The following NRG3 variants were observed in gnomAD, a reference collection of about 807,000 sequenced individuals.
The protein encoded by NRG3 is neuregulin 3.
NRG3 carries 31 observed loss-of-function variants against 66.9 expected under a neutral mutation model. The observed-to-expected ratio is 0.46, with a 90% CI of 0.35 to 0.63. The LOEUF (loss-of-function observed/expected upper bound fraction) is 0.63. NRG3 is among the 20% of genes least tolerant of loss of function. NRG3 has a pLI of 0.00. For missense variants in NRG3, 910 were observed against 878.9 expected (o/e 1.04, Z -0.45); for synonymous variants, 393 against 359.4 (o/e 1.09, Z -1.06).
intron 1 of NRG3, 56 bp downstream of exon 1, chr10:81,876,219 C>T (rs776356282): frequency 2.1e-4 from 318 of 1,510,186 alleles, no homozygotes; most frequent in Non-Finnish European, 2.7e-4. Flanking sequence ...CTTCTGCCCT[C>T]CTGCTGTCTT....
chr10:82,900,384 TAAC>T (rs556649532), intron 4 of NRG3, among the ~76,000 whole-genome samples: 400 of 152,300 alleles, frequency 2.6e-3, no homozygotes, highest in African/African-American at 9.1e-3. Context: ...ACTTTATTGT[TAAC>T]AATTTTTTTC....
chr10:82,393,404 A>G (rs1036564524), intron 2 of NRG3, among the ~76,000 whole-genome samples: 1 of 152,178 alleles, frequency 6.6e-6, no homozygotes, highest in Non-Finnish European at 1.5e-5. Context: ...AGCTCTGTGT[A>G]CAGTTAGCAT....
At chr10:81,908,439 T>C (rs1239652570) in intron 1 of NRG3, among the ~76,000 whole-genome samples, 1 of 152,174 alleles carries the variant, frequency 6.6e-6, no homozygotes, top group African/African-American at 2.4e-5. Flanking sequence ...TAGTAGGTAT[T>C]GAAACATGCC....
chr10:82,196,707 A>C (rs1205366799), intron 1 of NRG3, among the ~76,000 whole-genome samples: 1 of 152,168 alleles, frequency 6.6e-6, no homozygotes, highest in African/African-American at 2.4e-5. Flanking sequence ...TCCAGCTCTC[A>C]CTGTACAAGG....
chr10:82,771,941 CTTTA>C (rs1288244617), intron 3 of NRG3, among the ~76,000 whole-genome samples: 2 of 151,986 alleles, frequency 1.3e-5, no homozygotes, highest in African/African-American at 2.4e-5. Flanking sequence ...AATCTTTGTG[CTTTA>C]TTTATTCTTC....
At chr10:82,491,623 C>A (rs1265938722) in intron 2 of NRG3, among the ~76,000 whole-genome samples, 1 of 152,046 alleles carries the variant, frequency 6.6e-6, no homozygotes, top group African/African-American at 2.4e-5. Flanking sequence ...ATAATCTCTG[C>A]TATTTAACTA....
intron 1 of NRG3, among the ~76,000 whole-genome samples, chr10:82,341,928 T>C (rs2082708507): frequency 1.3e-5 from 2 of 152,124 alleles, no homozygotes; most frequent in African/African-American, 2.4e-5. Flanking sequence ...TCCTGTTCTA[T>C]TGATCTGTAT....
intron 2 of NRG3, among the ~76,000 whole-genome samples, chr10:82,447,960 C>G (rs141465551): frequency 1.3e-5 from 2 of 152,168 alleles, no homozygotes; most frequent in African/African-American, 4.8e-5. Flanking sequence ...AGTTCCGTTA[C>G]GCCTTTTAAA....
chr10:82,675,518 G>T (rs1197996135), intron 2 of NRG3, among the ~76,000 whole-genome samples: 1 of 152,112 alleles, frequency 6.6e-6, no homozygotes, highest in Non-Finnish European at 1.5e-5. Context: ...GGTAATCGGG[G>T]AAGTTAGCAT....
At chr10:81,893,940 T>C (rs1843266678) in intron 1 of NRG3, among the ~76,000 whole-genome samples, 1 of 152,206 alleles carries the variant, frequency 6.6e-6, no homozygotes, top group South Asian at 2.1e-4. Flanking sequence ...GTGTTGTAGA[T>C]AGAGAGTGGG....
At chr10:82,968,781 G>A (rs1473476943) in intron 6 of NRG3, among the ~76,000 whole-genome samples, 3 of 152,246 alleles carry the variant, frequency 2.0e-5, no homozygotes, top group African/African-American at 2.4e-5. Context: ...CTGGCAGCCC[G>A]TATTAGTCCA....
chr10:82,107,038 T>C (rs1017711638), intron 1 of NRG3, among the ~76,000 whole-genome samples: 3 of 152,200 alleles, frequency 2.0e-5, no homozygotes, highest in Non-Finnish European at 4.4e-5. Flanking sequence ...GGGCACATTA[T>C]TCAAAGCCAT....
At chr10:82,965,411 T>C (rs1429155991) in intron 6 of NRG3, among the ~76,000 whole-genome samples, 3 of 152,172 alleles carry the variant, frequency 2.0e-5, no homozygotes, top group Non-Finnish European at 1.5e-5. Context: ...GTCTCGGAGA[T>C]AGAACTGCAT....
chr10:81,888,527 A>G (rs1025566001), intron 1 of NRG3, among the ~76,000 whole-genome samples: 1 of 152,210 alleles, frequency 6.6e-6, no homozygotes, highest in Admixed American at 6.6e-5. Flanking sequence ...AATGAAAAGC[A>G]TATGAGGCCA....
intron 2 of NRG3, among the ~76,000 whole-genome samples, chr10:82,374,661 C>G (rs965273594): frequency 9.9e-5 from 15 of 152,212 alleles, no homozygotes; most frequent in African/African-American, 3.1e-4. Flanking sequence ...ATGTTTCCAA[C>G]AAGGTCGCAA....
At chr10:82,826,853 A>G (rs1383997197) in intron 3 of NRG3, among the ~76,000 whole-genome samples, 1 of 152,094 alleles carries the variant, frequency 6.6e-6, no homozygotes, top group Non-Finnish European at 1.5e-5. Flanking sequence ...ACCAAATCCC[A>G]GAGACATGCA....
intron 2 of NRG3, among the ~76,000 whole-genome samples, chr10:82,483,393 C>G (rs79118532): frequency 6.6e-6 from 1 of 152,194 alleles, no homozygotes; most frequent in Admixed American, 6.5e-5. Context: ...AGCTTCCTTG[C>G]TTGGTCATCT....
At chr10:82,432,938 C>T (rs1590109769) in intron 2 of NRG3, among the ~76,000 whole-genome samples, 1 of 152,222 alleles carries the variant, frequency 6.6e-6, no homozygotes, top group East Asian at 1.9e-4. Context: ...CTTCATGTGT[C>T]TGTATAGTAG....
intron 3 of NRG3, among the ~76,000 whole-genome samples, chr10:82,760,432 G>T (rs2059257392): frequency 6.6e-6 from 1 of 152,128 alleles, no homozygotes; most frequent in Admixed American, 6.6e-5. Context: ...AACAATGTGT[G>T]AATTAAAAGC....
Sources: allele counts gnomAD v4.1 joint callset (sites outside exome capture counted in the v4.1 genomes callset), GRCh38; gene constraint gnomAD v4.1.1; transcripts MANE v1.5; gene names NCBI Gene and HGNC (gene_info 2026-07-23, HGNC 2026-07-21).